PRKG1: variants seen among roughly 807,000 people sequenced by gnomAD.
PRKG1 encodes cGMP-dependent protein kinase 1.
A neutral mutation model predicts 88.1 loss-of-function variants in PRKG1; 35 were observed. The observed-to-expected ratio is 0.40, with a 90% CI of 0.30 to 0.53. The LOEUF is 0.53. PRKG1 is among the 20% of genes least tolerant of loss of function. The pLI, the probability that PRKG1 is intolerant of heterozygous loss-of-function variation, is 0.59. For missense variants in PRKG1, 540 were observed against 839.8 expected, an observed-to-expected ratio of 0.64 and a Z score of 4.41; for synonymous variants, 303 against 292.5, an observed-to-expected ratio of 1.04 and a Z score of -0.37.
At chr10:51,409,883 T>C (rs957919454) in intron 2 of PRKG1, among the ~76,000 whole-genome samples, 1 of 145,596 alleles carries the variant, frequency 6.9e-6, no homozygotes, top group Non-Finnish European at 1.5e-5. Context: ...AGAGTAGTTA[T>C]CTGCAGAAGA....
chr10:52,289,815 C>T (rs930797934), intron 16 of PRKG1, among the ~76,000 whole-genome samples: 1 of 152,132 alleles, frequency 6.6e-6, no homozygotes, highest in Non-Finnish European at 1.5e-5. Context: ...ACACTGTGCA[C>T]TGAATCAGTG....
chr10:51,715,000 T>C (rs1439148778), intron 3 of PRKG1, among the ~76,000 whole-genome samples: 3 of 152,158 alleles, frequency 2.0e-5, no homozygotes, highest in Non-Finnish European at 4.4e-5. Context: ...ATGCCACTAT[T>C]CTTTTTTTAT....
intron 2 of PRKG1, among the ~76,000 whole-genome samples, chr10:51,307,564 A>G (rs935040414): frequency 3.3e-5 from 5 of 152,126 alleles, no homozygotes; most frequent in African/African-American, 1.2e-4. Context: ...CCTCAAGTTC[A>G]TGTTTATTTT....
chr10:52,118,092 A>C (rs1269615906), intron 7 of PRKG1, among the ~76,000 whole-genome samples: 1 of 152,114 alleles, frequency 6.6e-6, no homozygotes, highest in Non-Finnish European at 1.5e-5. Flanking sequence ...AAATTACAAG[A>C]AAATACTTAA....
chr10:51,766,317 C>T (rs948413851), intron 3 of PRKG1, among the ~76,000 whole-genome samples: 1 of 152,142 alleles, frequency 6.6e-6, no homozygotes, highest in Non-Finnish European at 1.5e-5. Context: ...TCCTAGTGCG[C>T]ATGCAGGCCC....
intron 3 of PRKG1, among the ~76,000 whole-genome samples, chr10:51,500,122 T>G (rs1840979344): frequency 6.6e-6 from 1 of 152,260 alleles, no homozygotes; most frequent in African/African-American, 2.4e-5. Flanking sequence ...TTTTTATTGT[T>G]CTAAGATTAG....
chr10:51,524,912 A>G (rs1276119923), intron 3 of PRKG1, among the ~76,000 whole-genome samples: 1 of 152,234 alleles, frequency 6.6e-6, no homozygotes, highest in Non-Finnish European at 1.5e-5. Flanking sequence ...ATTTTTAATG[A>G]ACAGTTTTTT....
chr10:51,736,083 G>C (rs1015358152), intron 3 of PRKG1, among the ~76,000 whole-genome samples: 1 of 150,888 alleles, frequency 6.6e-6, no homozygotes, highest in Non-Finnish European at 1.5e-5. Context: ...GTAGCTATGG[G>C]GTTTTGCCAT....
intron 1 of PRKG1, among the ~76,000 whole-genome samples, chr10:51,094,420 G>C (rs1844478839): frequency 6.6e-6 from 1 of 151,884 alleles, no homozygotes; most frequent in Non-Finnish European, 1.5e-5. Flanking sequence ...GTCGTGTTTG[G>C]TTTTGAGCTA....
chr10:51,354,009 TGGA>T (rs1842310170), intron 2 of PRKG1, among the ~76,000 whole-genome samples: 1 of 152,154 alleles, frequency 6.6e-6, no homozygotes, highest in Admixed American at 6.5e-5. Context: ...TGGATGGAAC[TGGA>T]GGTCATTATG....
At chr10:51,791,367 CTT>C (rs1384286985) in intron 3 of PRKG1, among the ~76,000 whole-genome samples, 1 of 152,100 alleles carries the variant, frequency 6.6e-6, no homozygotes, top group African/African-American at 2.4e-5. Context: ...TCTCTTAACT[CTT>C]GACTTCAGGG....
At chr10:51,835,548 A>G (rs182510382) in intron 4 of PRKG1, among the ~76,000 whole-genome samples, 27 of 152,360 alleles carry the variant, frequency 1.8e-4, no homozygotes, top group Non-Finnish European at 3.2e-4. Flanking sequence ...AAAGTAATCC[A>G]GAATGAAAAT....
intron 3 of PRKG1, among the ~76,000 whole-genome samples, chr10:51,509,641 G>T (rs1335694528): frequency 6.6e-6 from 1 of 152,084 alleles, no homozygotes; most frequent in Admixed American, 6.6e-5. Flanking sequence ...CTCCCAAAAG[G>T]CTGGATTACA....
At chr10:51,606,179 T>A (rs532271580) in intron 3 of PRKG1, among the ~76,000 whole-genome samples, 12 of 152,332 alleles carry the variant, frequency 7.9e-5, no homozygotes, top group African/African-American at 2.6e-4. Flanking sequence ...ATTCAGTATT[T>A]CTCACATCTG....
intron 2 of PRKG1, among the ~76,000 whole-genome samples, chr10:51,260,509 G>A (rs1438678898): frequency 1.3e-5 from 2 of 152,190 alleles, no homozygotes; most frequent in Admixed American, 1.3e-4. Context: ...TGGATATATT[G>A]CATAAATGGT....
intron 5 of PRKG1, among the ~76,000 whole-genome samples, chr10:51,937,951 G>A (rs1842830065): frequency 6.6e-6 from 1 of 152,050 alleles, no homozygotes; most frequent in East Asian, 1.9e-4. Context: ...CCTTAGTCCA[G>A]CATATCCATA....
chr10:51,148,905 T>A (rs1367665153), intron 1 of PRKG1, among the ~76,000 whole-genome samples: 1 of 152,168 alleles, frequency 6.6e-6, no homozygotes, highest in Non-Finnish European at 1.5e-5. Flanking sequence ...ATCATACCCC[T>A]TTTTATAGTC....
chr10:51,436,654 C>T (rs1024358380), intron 2 of PRKG1, among the ~76,000 whole-genome samples: 3 of 152,140 alleles, frequency 2.0e-5, no homozygotes, highest in Non-Finnish European at 2.9e-5. Context: ...GATGTAATAT[C>T]GCTGTCACAT....
intron 2 of PRKG1, among the ~76,000 whole-genome samples, chr10:51,391,905 T>G (rs1356994566): frequency 1.3e-5 from 2 of 152,240 alleles, no homozygotes; most frequent in Non-Finnish European, 2.9e-5. Flanking sequence ...TGCTCTTATT[T>G]TCTCCAATGG....
Sources: gnomAD v4.1 joint callset for allele counts (sites outside exome capture counted in the v4.1 genomes callset) on GRCh38, gnomAD v4.1.1 for gene constraint, MANE v1.5 for transcripts, NCBI Gene and HGNC (gene_info 2026-07-23, HGNC 2026-07-21) for gene names.